ADAMTSL1: variants seen among roughly 807,000 people sequenced by gnomAD.
The protein encoded by ADAMTSL1 is ADAMTS-like protein 1.
Under a neutral mutation model 201.8 loss-of-function variants are expected in ADAMTSL1, and 126 were observed. The ratio of observed to expected loss-of-function variants is 0.62; its 90% CI spans 0.54 to 0.72. The LOEUF is 0.72. Among genes scored for constraint, ADAMTSL1 ranks in the 30% least tolerant of loss-of-function variants. ADAMTSL1 has a pLI of 0.00. For synonymous variants in ADAMTSL1, 1,121 were observed against 903.4 expected, an observed-to-expected ratio of 1.24 and a Z score of -4.32; for missense variants, 2,679 against 2,277.8, an observed-to-expected ratio of 1.18 and a Z score of -3.59.
chr9:18,364,627 C>A (rs531295762), intron 2 of ADAMTSL1, among the ~76,000 whole-genome samples: 1 of 146,082 alleles, frequency 6.8e-6, no homozygotes, highest in Admixed American at 7.2e-5. Flanking sequence ...GAATAACATG[C>A]CTGTATTAGG....
chr9:18,675,606 C>T (rs1455206505), intron 9 of ADAMTSL1, among the ~76,000 whole-genome samples: 1 of 152,098 alleles, frequency 6.6e-6, no homozygotes, highest in East Asian at 1.9e-4. Flanking sequence ...GTTGCCACCA[C>T]CCTTTGCAAT....
chr9:18,218,749 T>C (rs1324729952), intron 2 of ADAMTSL1, among the ~76,000 whole-genome samples: 1 of 152,090 alleles, frequency 6.6e-6, no homozygotes, highest in African/African-American at 2.4e-5. Context: ...TCTTCTTATA[T>C]AAATGTAATT....
At chr9:17,940,712 C>CAA (rs60466124) in intron 1 of ADAMTSL1, among the ~76,000 whole-genome samples, 26 of 88,658 alleles carry the variant, frequency 2.9e-4, no homozygotes, top group African/African-American at 1.0e-3. Flanking sequence ...GCATAACGTG[C>CAA]AAAAAAAAAA....
chr9:18,039,514 T>C (rs182452618), intron 1 of ADAMTSL1, among the ~76,000 whole-genome samples: 1 of 152,188 alleles, frequency 6.6e-6, no homozygotes, highest in Non-Finnish European at 1.5e-5. Context: ...ATTTTATGAA[T>C]TTTTCTTGTT....
At chr9:18,840,964 C>A (rs1394348997) in intron 23 of ADAMTSL1, among the ~76,000 whole-genome samples, 2 of 147,760 alleles carry the variant, frequency 1.4e-5, no homozygotes, top group Admixed American at 6.8e-5. Flanking sequence ...TCTAGATATA[C>A]AATCATGTCA....
At chr9:18,537,831 A>C (rs112788762) in intron 3 of ADAMTSL1, among the ~76,000 whole-genome samples, 34 of 151,098 alleles carry the variant, frequency 2.3e-4, no homozygotes, top group African/African-American at 8.3e-4. Flanking sequence ...CCTTGTTTAC[A>C]CCACTGCACT....
intron 19 of ADAMTSL1, among the ~76,000 whole-genome samples, chr9:18,780,349 A>G (rs1317641494): frequency 6.6e-6 from 1 of 152,172 alleles, no homozygotes; most frequent in Non-Finnish European, 1.5e-5. Flanking sequence ...GTTAAAACTC[A>G]TATGCTGATG....
intron 15 of ADAMTSL1, among the ~76,000 whole-genome samples, chr9:18,752,908 AT>A (rs2133608820): frequency 6.6e-6 from 1 of 152,362 alleles, no homozygotes; most frequent in African/African-American, 2.4e-5. Flanking sequence ...GGCTGGAGAA[AT>A]TAGCAGAAAG....
At chr9:18,428,585 A>C (rs888527530) in intron 2 of ADAMTSL1, among the ~76,000 whole-genome samples, 5 of 152,188 alleles carry the variant, frequency 3.3e-5, no homozygotes, top group African/African-American at 1.2e-4. Flanking sequence ...ACACCAGTGC[A>C]TTCCAGCCAA....
At chr9:18,583,020 A>C (rs994447975) in intron 4 of ADAMTSL1, among the ~76,000 whole-genome samples, 13 of 152,140 alleles carry the variant, frequency 8.5e-5, no homozygotes, top group Non-Finnish European at 1.6e-4. Context: ...TGAAACTGTA[A>C]GTCTAATAAA....
intron 2 of ADAMTSL1, among the ~76,000 whole-genome samples, chr9:18,235,833 T>C (rs1419871082): frequency 6.6e-6 from 1 of 152,212 alleles, no homozygotes; most frequent in Non-Finnish European, 1.5e-5. Context: ...GACTTTACCA[T>C]CCTCTTGCTG....
intron 2 of ADAMTSL1, among the ~76,000 whole-genome samples, chr9:18,425,340 T>C (rs963609402): frequency 2.0e-5 from 3 of 152,296 alleles, no homozygotes; most frequent in Middle Eastern, 3.4e-3. Flanking sequence ...AGGTACAAAA[T>C]GCACACGTGC....
At chr9:18,413,493 C>T (rs903008433) in intron 2 of ADAMTSL1, among the ~76,000 whole-genome samples, 2 of 152,146 alleles carry the variant, frequency 1.3e-5, no homozygotes, top group Non-Finnish European at 2.9e-5. Context: ...TGAAAACATG[C>T]TTATCTACCG....
chr9:18,547,632 A>AT (rs1554701994), intron 3 of ADAMTSL1, among the ~76,000 whole-genome samples: 75 of 100,340 alleles, frequency 7.5e-4, no homozygotes, highest in African/African-American at 2.5e-3. Flanking sequence ...GTATATATAT[A>AT]TAAAAAAAAA....
Position 17,992,171 on chromosome 9 carries a change from G to T in ADAMTSL1, c.87+85249G>T, listed in dbSNP as rs138024834. 5.4e-3 allele frequency among the ~76,000 whole-genome samples: 821 copies of T among 152,210 alleles called. 6 individuals are homozygous for T. The highest frequency in any genetic ancestry group is 0.018 in the African/African-American group (761 of 41,528). ...GACCCTTTTCCCACACCCCTGTCCA[G>T]GTTATCCTTTCCTGGTTATATTCCA... On this transcript the variant is annotated intron_variant, in intron 1 of 29. Coordinates refer to the ADAMTSL1 transcript ENST00000680146.
intron 20 of ADAMTSL1, among the ~76,000 whole-genome samples, chr9:18,811,258 C>T (rs1823493573): frequency 6.6e-6 from 1 of 152,142 alleles, no homozygotes; most frequent in Non-Finnish European, 1.5e-5. Context: ...AGGGGAGTAT[C>T]AGAGATTTTC....
intron 2 of ADAMTSL1, among the ~76,000 whole-genome samples, chr9:18,438,458 G>C (rs1343743221): frequency 1.3e-5 from 2 of 152,002 alleles, no homozygotes; most frequent in East Asian, 1.9e-4. Flanking sequence ...CCAGCCCCTC[G>C]GGTGGCCAGG....
At chr9:18,813,595 G>C (rs957082627) in intron 20 of ADAMTSL1, among the ~76,000 whole-genome samples, 2 of 152,110 alleles carry the variant, frequency 1.3e-5, no homozygotes, top group Non-Finnish European at 2.9e-5. Context: ...AAATGGGATT[G>C]TTTCCTTGAT....
At chr9:18,853,920 C>A (rs112009771) in intron 23 of ADAMTSL1, among the ~76,000 whole-genome samples, 16 of 21,502 alleles carry the variant, frequency 7.4e-4, no homozygotes, top group African/African-American at 2.8e-3. Context: ...TGTGTGTGTG[C>A]GCGTGCATGC....
Sources: allele counts gnomAD v4.1 joint callset (sites outside exome capture counted in the v4.1 genomes callset), GRCh38; gene constraint gnomAD v4.1.1; transcripts MANE v1.5; gene names NCBI Gene and HGNC (gene_info 2026-07-23, HGNC 2026-07-21).